Variants in MYEF2 observed in about 807,000 individuals in gnomAD.
The protein encoded by MYEF2 is myelin expression factor 2, also known as myelin gene expression factor 2.
A neutral mutation model predicts 75.2 loss-of-function variants in MYEF2; 37 were observed. The ratio of observed to expected loss-of-function variants is 0.49; its 90% CI spans 0.38 to 0.65. The LOEUF is 0.65. MYEF2 is among the 30% of genes least tolerant of loss of function. The pLI, the probability that MYEF2 is intolerant of heterozygous loss-of-function variation, is 0.00. For synonymous variants in MYEF2, 195 were observed against 241.6 expected, an observed-to-expected ratio of 0.81 and a Z score of 1.79; for missense variants, 634 against 771.4, an observed-to-expected ratio of 0.82 and a Z score of 2.11.
intron 11 of MYEF2, 39 bp downstream of exon 11, chr15:48,152,195 G>T (rs1372957808): frequency 6.5e-7 from 1 of 1,530,146 alleles, no homozygotes; most frequent in South Asian, 1.1e-5. Context: ...ATTAAAAATG[G>T]TGATGGGTAC....
In MYEF2 at chr15:48,159,681, T is replaced by C. The variant is rs151074387; in HGVS notation, c.649A>G (p.Asn217Asp). 2.5e-6 allele frequency: 4 copies of C among 1,613,764 alleles called. No homozygotes were observed. The highest frequency in any genetic ancestry group is 1.7e-4 in the Middle Eastern group (1 of 6,060). The change falls in exon 6 of 17, where the codon AAC (asparagine) becomes GAC (aspartate). Residue 217 changes from asparagine (N) to aspartate (D), a missense_variant. By Grantham distance (23) the Asn-to-Asp change is conservative. Coordinates refer to ENST00000324324, the MANE Select transcript of MYEF2 (RefSeq NM_016132.5). ...TTACTGATGACTTCAGGAGGAATGT[T>C]TGGATTATTGAGTATGGAAGGTGGT... ...NLPPSILNNP[N>D]IPPEVISNLQ...
chr15:48,156,408 T>C (rs1198757203), intron 9 of MYEF2, among the ~76,000 whole-genome samples: 1 of 150,880 alleles, frequency 6.6e-6, no homozygotes, highest in Non-Finnish European at 1.5e-5. Flanking sequence ...AACAGAAACA[T>C]AGATGTAGCA....
At chr15:48,155,566 A>T (rs5019674) in intron 9 of MYEF2, among the ~76,000 whole-genome samples, 2 of 152,086 alleles carry the variant, frequency 1.3e-5, no homozygotes, top group African/African-American at 4.8e-5. Context: ...CACCAACTGT[A>T]CCCAGAATAC....
At chr15:48,155,967 G>A (rs1352394223) in intron 9 of MYEF2, among the ~76,000 whole-genome samples, 4 of 151,636 alleles carry the variant, frequency 2.6e-5, no homozygotes, top group Non-Finnish European at 4.4e-5. Context: ...TAGTAGAGAC[G>A]GGGTTTCACC....
At chr15:48,166,423 T>A (rs898342016) in intron 3 of MYEF2, among the ~76,000 whole-genome samples, 1 of 151,956 alleles carries the variant, frequency 6.6e-6, no homozygotes, top group Non-Finnish European at 1.5e-5. Context: ...ACAAATTAAA[T>A]CAACAGGAAT....
chr15:48,159,929 G>T, intron 5 of MYEF2, 125 bp from the exon 6 acceptor site: 1 of 983,996 alleles, frequency 1.0e-6, no homozygotes, highest in Non-Finnish European at 1.4e-6. Context: ...CTTGAAGAGT[G>T]AGCTTTTTTC....
At chr15:48,163,283 G>A (rs979419696) in intron 5 of MYEF2, among the ~76,000 whole-genome samples, 3 of 152,240 alleles carry the variant, frequency 2.0e-5, no homozygotes, top group Admixed American at 2.0e-4. Context: ...ACATTTCAGT[G>A]GTCTGAAAGT....
chr15:48,165,377 C>T (rs1476789665), intron 5 of MYEF2, among the ~76,000 whole-genome samples: 1 of 152,020 alleles, frequency 6.6e-6, no homozygotes, highest in African/African-American at 2.4e-5. Context: ...TTTTTGTCAA[C>T]CTGTTTACAC....
Position 48,135,727 on chromosome 15 carries a change from A to G in MYEF2, c.*7181T>C, listed in dbSNP as rs2140735004. 1 of 152,198 alleles carries G rather than the reference A, an allele frequency of 6.6e-6. No homozygotes were observed. Among genetic ancestry groups the G allele is most frequent in the East Asian group, 1.9e-4 (1 of 5,176 alleles). The allele number at this position is 152,198 out of a possible 1,614,324, so 9.4% of individuals were successfully genotyped here. On this transcript the variant is annotated 3_prime_UTR_variant, in exon 17 of 17. Transcript: ENST00000324324. ...AAAAATATGAAAAAAAAAAAATGTA[A>G]TGGTGTCCATCTGGAGAACCATAAC... is the stretch of plus-strand genomic sequence containing the variant.
chr15:48,167,258 A>C (rs915160739), intron 3 of MYEF2, 91 bp downstream of exon 3: 41 of 1,307,418 alleles, frequency 3.1e-5, no homozygotes, highest in Non-Finnish European at 3.3e-6. Flanking sequence ...AATGAAACTT[A>C]AGTTTCCAAA....
At chr15:48,144,678 A>G (rs902000220) in intron 16 of MYEF2, among the ~76,000 whole-genome samples, 42 of 151,974 alleles carry the variant, frequency 2.8e-4, no homozygotes, top group African/African-American at 9.9e-4. Context: ...ACATTTTAAA[A>G]CAATTTAAAG....
chr15:48,153,597 C>A (rs1007825487), intron 10 of MYEF2, 195 bp downstream of exon 10: 27 of 516,520 alleles, frequency 5.2e-5, no homozygotes, highest in Non-Finnish European at 7.2e-5. Flanking sequence ...CCCAAAGAAA[C>A]CCTCCTGACT....
Position 48,141,054 on chromosome 15 carries a change from T to G in MYEF2, c.*1854A>C. 7.3e-7 allele frequency: 1 copy of G among 1,370,246 alleles called. No individual in the cohort carries two copies. Among genetic ancestry groups the G allele is most frequent in the Non-Finnish European group, 1.0e-6 (1 of 970,838 alleles). The allele number at this position is 1,370,246 out of a possible 1,614,324, so 84.9% of individuals were successfully genotyped here. On this transcript the variant is annotated 3_prime_UTR_variant, in exon 17 of 17. Coordinates refer to ENST00000324324, the MANE Select transcript of MYEF2 (RefSeq NM_016132.5). ...TCACGAAGGAAATATCCAAAATAAC[T>G]GCAAAGGATGGTTAGTGAATCTTTA...
intron 5 of MYEF2, among the ~76,000 whole-genome samples, chr15:48,161,618 G>A (rs2039945726): frequency 6.6e-6 from 1 of 150,778 alleles, no homozygotes. Flanking sequence ...AAATATTACT[G>A]AGGATCTACA....
rs1353702996 is a variant in MYEF2 at position 48,140,505 on chromosome 15, T to A, written c.*2403A>T. The A allele has an allele frequency of 6.6e-6, 1 of 152,092 alleles. No individual in the cohort carries two copies. Among genetic ancestry groups the A allele is most frequent in the Non-Finnish European group, 1.5e-5 (1 of 68,006 alleles). The allele number at this position is 152,092 out of a possible 1,614,324, so 9.4% of individuals were successfully genotyped here. A position where few individuals can be genotyped will look rare whatever the true frequency, so the allele number is the denominator to read the frequency against. ...TGAGAATAAATACATTTCTGAAAAA[T>A]GTTGACCTGACATCAAATTTAACAG... On this transcript the variant is annotated 3_prime_UTR_variant, in exon 17 of 17. Transcript: ENST00000324324.
At chr15:48,145,352 T>A (rs796466560) in intron 16 of MYEF2, among the ~76,000 whole-genome samples, 33 of 151,972 alleles carry the variant, frequency 2.2e-4, no homozygotes, top group African/African-American at 7.7e-4. Context: ...AAAAATTAGT[T>A]TCAAATAGCT....
rs777129850 is a variant in MYEF2, at chr15:48,142,294, A to C, written c.*614T>G. The C allele has an allele frequency of 3.7e-6, 6 of 1,612,970 alleles. No individual in the cohort carries two copies. Among genetic ancestry groups the C allele is most frequent in the Non-Finnish European group, 2.5e-6 (3 of 1,179,402 alleles). On this transcript the variant is annotated 3_prime_UTR_variant, in exon 17 of 17. Coordinates refer to ENST00000324324, the MANE Select transcript of MYEF2 (RefSeq NM_016132.5). ...CATACTTGGGGCTTGCTACATTATC[A>C]GTTCTATATGAACTTGGAATTATTG...
At chr15:48,176,867 C>A (rs947511233) in intron 1 of MYEF2, among the ~76,000 whole-genome samples, 29 of 152,168 alleles carry the variant, frequency 1.9e-4, no homozygotes, top group African/African-American at 6.0e-4. Flanking sequence ...AAGTTCCAAT[C>A]TCTTATACCT....
chr15:48,138,380 C>T lies in MYEF2; in HGVS notation c.*4528G>A, dbSNP rs2038954542. On this transcript the variant is annotated 3_prime_UTR_variant, in exon 17 of 17. Transcript: ENST00000324324. ...CATAAATTGTACTTTAGATGATATA[C>T]TACCTCCTACTTTAAGGTTATTTCT... 6.6e-6 allele frequency: 1 copy of T among 151,932 alleles called. No homozygotes were observed. Among genetic ancestry groups the T allele is most frequent in the Non-Finnish European group, 1.5e-5 (1 of 67,930 alleles). The allele number at this position is 151,932 out of a possible 1,614,324, so 9.4% of individuals were successfully genotyped here. A position where few individuals can be genotyped will look rare whatever the true frequency, so the allele number is the denominator to read the frequency against.
Sources: gnomAD v4.1 joint callset for allele counts (sites outside exome capture counted in the v4.1 genomes callset) on GRCh38, gnomAD v4.1.1 for gene constraint, MANE v1.5 for transcripts, NCBI Gene and HGNC (gene_info 2026-07-23, HGNC 2026-07-21) for gene names.